CD83: variants seen among roughly 807,000 people sequenced by gnomAD.
CD83 encodes the protein CD83 molecule, also known as CD83 antigen.
Under a neutral mutation model 24.6 loss-of-function variants are expected in CD83, and 22 were observed. The observed-to-expected ratio is 0.90, with a 90% CI of 0.64 to 1.28. CD83 has a LOEUF of 1.28. CD83 is among the 50% of genes most tolerant of loss of function. CD83 has a pLI of 0.00. For synonymous variants in CD83, 101 were observed against 103.5 expected (o/e 0.98, Z 0.14); for missense variants, 253 against 252.8 (o/e 1.00, Z -0.01).
At chr6:14,122,175 G>A (rs1759685824) in intron 2 of CD83, among the ~76,000 whole-genome samples, 1 of 152,184 alleles carries the variant, frequency 6.6e-6, no homozygotes, top group East Asian at 1.9e-4. Flanking sequence ...ATAATATTGA[G>A]AAGAGCCCCA....
chr6:14,120,515 C>T (rs1298619514), intron 2 of CD83, among the ~76,000 whole-genome samples: 2 of 152,306 alleles, frequency 1.3e-5, no homozygotes, highest in Non-Finnish European at 2.9e-5. Flanking sequence ...CTTATCCCAT[C>T]CTACTCACTT....
rs1185473817 is a variant in CD83 at position 14,133,505 on chromosome 6, T to C, written c.383-144T>C. The C allele has an allele frequency of 9.8e-6, 6 of 613,610 alleles. No individual in the cohort carries two copies. The East Asian group carries it at 1.3e-4, about 14-fold the overall frequency. 38.0% of individuals were successfully genotyped at this position (613,610 alleles called of 1,614,324 possible). A position where few individuals can be genotyped will look rare whatever the true frequency, so the allele number is the denominator to read the frequency against. ...CGCCGGCTGCTGCTGTCACCTTCAC[T>C]GTCACTGTTACTGTCGTTCATCCTG... On this transcript the variant is annotated intron_variant, in intron 3 of 4. Transcript: ENST00000379153.
chr6:14,131,513 T>C lies in CD83; in HGVS notation c.154-7T>C. On this transcript the variant is annotated splice_polypyrimidine_tract_variant and splice_region_variant and intron_variant, in intron 2 of 4. Coordinates refer to ENST00000379153, the MANE Select transcript of CD83 (RefSeq NM_004233.4). ...GACCGTGATGCGCTCTGATTCCTTC[T>C]TCACAGTTATTGGAGGGTGGTGAAG... The C allele has an allele frequency of 1.2e-6, 2 of 1,607,324 alleles. No individual in the cohort carries two copies. The highest frequency in any genetic ancestry group is 1.7e-6 in the Non-Finnish European group (2 of 1,173,902).
chr6:14,125,047 C>G (rs1759773386), intron 2 of CD83, among the ~76,000 whole-genome samples: 1 of 152,134 alleles, frequency 6.6e-6, no homozygotes, highest in South Asian at 2.1e-4. Context: ...CAAGCAACGC[C>G]GAGGACTGCT....
chr6:14,130,809 C>T (rs192612296), intron 2 of CD83, among the ~76,000 whole-genome samples: 1 of 152,338 alleles, frequency 6.6e-6, no homozygotes, highest in Non-Finnish European at 1.5e-5. Context: ...GCTGGTCTGT[C>T]CTGAGTACAG....
At chr6:14,124,374 G>A (rs1385188091) in intron 2 of CD83, among the ~76,000 whole-genome samples, 4 of 152,348 alleles carry the variant, frequency 2.6e-5, no homozygotes, top group Middle Eastern at 3.4e-3. Context: ...TTCTAGAAGA[G>A]CTGGTAGCTG....
upstream of CD83, chr6:14,117,693 G>A (rs1463220260): frequency 2.9e-6 from 2 of 697,716 alleles, no homozygotes; most frequent in East Asian, 3.4e-5. This position sits in a 1 kb window ranked among gnomAD's most constrained non-coding sequence, Gnocchi z 4.6. Flanking sequence ...TCCGCTGCCC[G>A]CCGGGGAATC....
chr6:14,135,129 A>G lies in CD83; in HGVS notation c.511A>G (p.Ile171Val), dbSNP rs777608537. 1.3e-5 allele frequency: 21 copies of G among 1,614,078 alleles called. No individual in the cohort carries two copies. The highest frequency in any genetic ancestry group is 1.8e-5 in the Non-Finnish European group (21 of 1,180,030). Residue 171 changes from isoleucine (I) to valine (V), a missense_variant, in exon 5 of 5, where the codon ATC (isoleucine) becomes GTC (valine). Ile to Val is a conservative substitution (Grantham distance 29). Coordinates refer to ENST00000379153, the MANE Select transcript of CD83 (RefSeq NM_004233.4). ...FTCKFARLQS[I>V]FPDFSKAGME... ...TTAGAAGTTTGCACGGCTACAGAGT[A>G]TCTTCCCAGATTTTTCTAAAGCTGG... is the stretch of plus-strand genomic sequence containing the variant.
chr6:14,129,833 C>CTGTGTGTGTGTGTG lies in CD83; in HGVS notation c.154-1669_154-1656dup, dbSNP rs58361945. 2.7e-5 allele frequency among the ~76,000 whole-genome samples: 4 copies of CTGTGTGTGTGTGTG among 147,708 alleles called. No homozygotes were observed. The highest frequency in any genetic ancestry group is 9.9e-5 in the African/African-American group (4 of 40,272). ...GAATTAATAAATGAAGCAGAAATGA[C>CTGTGTGTGTGTGTG]TGTGTGTGTGTGTGTGTGTGTGTGT... On this transcript the variant is annotated intron_variant, in intron 2 of 4. Transcript: ENST00000379153. The surrounding 1 kb of genome is among the most constrained non-coding windows in gnomAD (Gnocchi z 4.3).
intron 2 of CD83, among the ~76,000 whole-genome samples, 186 bp from the exon 3 acceptor site, chr6:14,131,334 G>A (rs1049700805): frequency 6.6e-6 from 1 of 152,184 alleles, no homozygotes; most frequent in Non-Finnish European, 1.5e-5. Context: ...GATATATTCC[G>A]AAGATGTAGC....
chr6:14,130,121 A>G (rs1057467162), intron 2 of CD83, among the ~76,000 whole-genome samples: 1 of 152,096 alleles, frequency 6.6e-6, no homozygotes, highest in African/African-American at 2.4e-5. Context: ...AGGGACAGGT[A>G]AGGAATGTCA....
chr6:14,126,215 TAA>T (rs1759807833), intron 2 of CD83, among the ~76,000 whole-genome samples: 1 of 152,162 alleles, frequency 6.6e-6, no homozygotes, highest in South Asian at 2.1e-4. Flanking sequence ...ATTCATTCAG[TAA>T]ATACTTTTTC....
intron 2 of CD83, among the ~76,000 whole-genome samples, chr6:14,118,836 A>G (rs1759605062): frequency 1.3e-5 from 2 of 152,182 alleles, no homozygotes; most frequent in African/African-American, 4.8e-5. Context: ...CTACTGTTTG[A>G]TATCACTGGT....
intron 2 of CD83, 95 bp downstream of exon 2, chr6:14,118,160 C>CAGGT: frequency 2.4e-6 from 2 of 838,580 alleles, no homozygotes; most frequent in South Asian, 3.6e-5. Flanking sequence ...CTGTGGCTGC[C>CAGGT]AGGTGGGGGC....
chr6:14,130,993 G>T (rs1757881800), intron 2 of CD83, among the ~76,000 whole-genome samples: 1 of 152,212 alleles, frequency 6.6e-6, no homozygotes, highest in South Asian at 2.1e-4. Context: ...CAGCCCTTGA[G>T]GAACAAGGTG....
chr6:14,117,661 C>G (rs938152059), upstream of CD83: 4 of 500,554 alleles, frequency 8.0e-6, no homozygotes, highest in Non-Finnish European at 1.4e-5. The surrounding 1 kb of genome is among the most constrained non-coding windows in gnomAD (Gnocchi z 4.6). Context: ...CTAAGCGGGA[C>G]TAGGAGGGCG....
intron 3 of CD83, among the ~76,000 whole-genome samples, chr6:14,132,465 A>G (rs957154667): frequency 2.6e-5 from 4 of 152,234 alleles, no homozygotes; most frequent in African/African-American, 9.6e-5. Flanking sequence ...TTAAGGGGTC[A>G]GAGTCTACAG....
intron 2 of CD83, among the ~76,000 whole-genome samples, chr6:14,123,072 A>G (rs1759705701): frequency 6.6e-6 from 1 of 152,006 alleles, no homozygotes; most frequent in Non-Finnish European, 1.5e-5. Context: ...GAGCCATTGA[A>G]GGATTTTTTG....
rs1427167476 is a variant in CD83 at position 14,136,266 on chromosome 6, G to T, written c.*1030G>T. 6.6e-6 allele frequency: 1 copy of T among 152,238 alleles called. No homozygotes were observed. The highest frequency in any genetic ancestry group is 3.2e-3 in the Middle Eastern group (1 of 316). The allele number at this position is 152,238 out of a possible 1,614,324, so 9.4% of individuals were successfully genotyped here. On this transcript the variant is annotated 3_prime_UTR_variant, in exon 5 of 5. Transcript: ENST00000379153. ...AGTCATTATCCTTGCTATGATGATG[G>T]TGTTTTGGGGATGAGAGGGTGCTAT...
Sources: gnomAD v4.1 joint callset for allele counts (sites outside exome capture counted in the v4.1 genomes callset) on GRCh38, gnomAD v4.1.1 for gene constraint, Gnocchi (gnomAD v3.1) non-coding constraint, MANE v1.5 for transcripts, NCBI Gene and HGNC (gene_info 2026-07-23, HGNC 2026-07-21) for gene names.